RAP1GAP2: variants seen among roughly 807,000 people sequenced by gnomAD.
RAP1GAP2 encodes RAP1 GTPase activating protein 2.
RAP1GAP2 carries 27 observed loss-of-function variants against 95.0 expected under a neutral mutation model. The ratio of observed to expected loss-of-function variants is 0.28; its 90% CI spans 0.21 to 0.39. RAP1GAP2 has a LOEUF of 0.39. RAP1GAP2 is among the 10% of genes least tolerant of loss of function. RAP1GAP2 has a pLI of 1.00. For synonymous variants in RAP1GAP2, 373 were observed against 380.9 expected (o/e 0.98, Z 0.24); for missense variants, 771 against 970.0 (o/e 0.79, Z 2.72).
intron 10 of RAP1GAP2, among the ~76,000 whole-genome samples, chr17:2,984,756 A>C (rs1417979996): frequency 6.6e-6 from 1 of 152,124 alleles, no homozygotes; most frequent in African/African-American, 2.4e-5. Context: ...AGTGATACAG[A>C]GGTTTGGTTC....
chr17:2,910,285 A>C (rs1229238024), intron 3 of RAP1GAP2, among the ~76,000 whole-genome samples: 1 of 151,532 alleles, frequency 6.6e-6, no homozygotes, highest in African/African-American at 2.4e-5. Context: ...TCTGCTCCTG[A>C]CCCTCCACTC....
intron 2 of RAP1GAP2, among the ~76,000 whole-genome samples, chr17:2,905,029 GCAC>G (rs997139968): frequency 6.6e-6 from 1 of 152,086 alleles, no homozygotes; most frequent in African/African-American, 2.4e-5. Flanking sequence ...CTACAGGCGT[GCAC>G]CACCACGCCC....
At chr17:2,769,877 A>G (rs1015115895) in intron 1 of RAP1GAP2, among the ~76,000 whole-genome samples, 6 of 152,096 alleles carry the variant, frequency 3.9e-5, no homozygotes, top group African/African-American at 1.4e-4. Flanking sequence ...ATTTGAGACC[A>G]GCCTGGCCAA....
At chr17:2,889,873 A>G (rs1400801373) in intron 2 of RAP1GAP2, among the ~76,000 whole-genome samples, 9 of 73,654 alleles carry the variant, frequency 1.2e-4, no homozygotes, top group Admixed American at 7.5e-4. Context: ...GTATATATAT[A>G]TATATATATA....
At chr17:2,990,070 G>A (rs774035074) in intron 11 of RAP1GAP2, among the ~76,000 whole-genome samples, 1 of 152,188 alleles carries the variant, frequency 6.6e-6, no homozygotes, top group Admixed American at 6.5e-5. Flanking sequence ...GTATCAGCAC[G>A]TTGTTCCTTG....
intron 3 of RAP1GAP2, among the ~76,000 whole-genome samples, chr17:2,946,205 ATGTC>A (rs2043692792): frequency 1.3e-5 from 2 of 152,152 alleles, no homozygotes; most frequent in Admixed American, 1.3e-4. Flanking sequence ...TTCGTTGAGG[ATGTC>A]TGACTCTATC....
rs112661439 is a variant in RAP1GAP2, at chr17:3,008,269, C to T, written c.1494+124C>T. 9.3e-4 allele frequency: 1,298 copies of T among 1,394,676 alleles called. 2 individuals carry two copies. The highest frequency in any genetic ancestry group is 1.2e-3 in the Non-Finnish European group (1,204 of 1,016,122). The allele number at this position is 1,394,676 out of a possible 1,614,324, so 86.4% of individuals were successfully genotyped here. A position where few individuals can be genotyped will look rare whatever the true frequency, so the allele number is the denominator to read the frequency against. ...GGCCAGCTGGAGGGGTGACAGGAAA[C>T]GTATGGGTATCCTAGGTGTTTGCAA... On this transcript the variant is annotated intron_variant, in intron 17 of 24. Transcript: ENST00000254695. This position sits in a 1 kb window ranked among gnomAD's most constrained non-coding sequence, Gnocchi z 4.2.
chr17:2,982,612 C>T (rs1225087562), intron 10 of RAP1GAP2, among the ~76,000 whole-genome samples: 2 of 152,130 alleles, frequency 1.3e-5, no homozygotes, highest in African/African-American at 2.4e-5. Flanking sequence ...TGCTACGCTT[C>T]ATTGAACATT....
chr17:2,969,496 CTTTTTTTTTTTT>C (rs34468461), intron 8 of RAP1GAP2, among the ~76,000 whole-genome samples: 1 of 83,776 alleles, frequency 1.2e-5, no homozygotes, highest in Non-Finnish European at 2.1e-5. Flanking sequence ...TATATATATT[CTTTTTTTTTTTT>C]TTTTTTTTTT....
intron 2 of RAP1GAP2, among the ~76,000 whole-genome samples, chr17:2,810,412 C>T (rs1294659402): frequency 6.6e-6 from 1 of 150,432 alleles, no homozygotes; most frequent in Non-Finnish European, 1.5e-5. Context: ...GCACAACATG[C>T]AGGTTTGTTA....
chr17:2,963,749 T>C lies in RAP1GAP2; in HGVS notation c.280-107T>C. The stretch of plus-strand genomic sequence containing the variant: ...CACTGCCTTTGGCCTCAAGTACCAG[T>C]GGGTACCAGGCCCCACTCCTGGGAG... On this transcript the variant is annotated intron_variant, in intron 6 of 24. Coordinates refer to ENST00000254695, the MANE Select transcript of RAP1GAP2 (RefSeq NM_015085.5). This position sits in a 1 kb window ranked among gnomAD's most constrained non-coding sequence, Gnocchi z 4.8. 9.6e-7 allele frequency: 1 copy of C among 1,037,120 alleles called. No homozygotes were observed. Among genetic ancestry groups the C allele is most frequent in the Admixed American group, 2.7e-5 (1 of 36,946 alleles). The allele number at this position is 1,037,120 out of a possible 1,614,324, so 64.2% of individuals were successfully genotyped here.
intron 2 of RAP1GAP2, among the ~76,000 whole-genome samples, chr17:2,841,155 C>CA (rs1285995460): frequency 4.6e-5 from 7 of 151,540 alleles, no homozygotes; most frequent in South Asian, 2.1e-4. Context: ...AAGTCTGTCT[C>CA]AAAAACAAAC....
intron 3 of RAP1GAP2, among the ~76,000 whole-genome samples, chr17:2,920,010 CTTT>C (rs34848214): frequency 1.0e-4 from 12 of 116,938 alleles, no homozygotes; most frequent in Admixed American, 1.1e-4. Context: ...CTCCTTTTTT[CTTT>C]TTTTTTTTTT....
rs965930435 is a variant in RAP1GAP2, at chr17:3,033,124, G to A, written c.*31-268G>A. 1.3e-5 allele frequency: 2 copies of A among 152,828 alleles called. No individual in the cohort carries two copies. The highest frequency in any genetic ancestry group is 1.5e-5 in the Non-Finnish European group (1 of 68,506). The allele number at this position is 152,828 out of a possible 1,614,324, so 9.5% of individuals were successfully genotyped here. A position where few individuals can be genotyped will look rare whatever the true frequency, so the allele number is the denominator to read the frequency against. On this transcript the variant is annotated intron_variant, in intron 24 of 24. Transcript: ENST00000254695. The surrounding 1 kb of genome is among the most constrained non-coding windows in gnomAD (Gnocchi z 4.9). ...GTTCAACCTGATTTATGAAAAAGCA[G>A]AAGACAAATGGGCATATGGACCTTC...
intron 1 of RAP1GAP2, among the ~76,000 whole-genome samples, chr17:2,786,733 C>A (rs1222014640): frequency 6.6e-6 from 1 of 151,686 alleles, no homozygotes; most frequent in East Asian, 1.9e-4. Context: ...GCACCCTCTG[C>A]CTCCCGGATT....
intron 2 of RAP1GAP2, among the ~76,000 whole-genome samples, chr17:2,889,237 C>T (rs1055931049): frequency 2.6e-5 from 4 of 152,170 alleles, no homozygotes; most frequent in Non-Finnish European, 5.9e-5. Context: ...ATGAGGTCAA[C>T]CAAAGCACTG....
chr17:2,891,385 C>T (rs549882906), intron 2 of RAP1GAP2, among the ~76,000 whole-genome samples: 1 of 152,086 alleles, frequency 6.6e-6, no homozygotes, highest in African/African-American at 2.4e-5. Context: ...AACCAATCCT[C>T]CCGCCTTGGC....
chr17:2,885,028 C>CTTTTT (rs891984333), intron 2 of RAP1GAP2, among the ~76,000 whole-genome samples: 297 of 112,416 alleles, frequency 2.6e-3, no homozygotes, highest in Non-Finnish European at 3.2e-3. Context: ...TTATTTCTTT[C>CTTTTT]TTTTTTTTTT....
chr17:2,879,110 A>T (rs2073196453), intron 2 of RAP1GAP2, among the ~76,000 whole-genome samples: 1 of 100,628 alleles, frequency 9.9e-6, no homozygotes, highest in Non-Finnish European at 1.9e-5. Context: ...CCCACCTCCA[A>T]GCCCTTCTTT....
Sources: gnomAD v4.1 joint callset for allele counts (sites outside exome capture counted in the v4.1 genomes callset) on GRCh38, gnomAD v4.1.1 for gene constraint, Gnocchi (gnomAD v3.1) non-coding constraint, MANE v1.5 for transcripts, NCBI Gene and HGNC (gene_info 2026-07-23, HGNC 2026-07-21) for gene names.